PARD3B: variants seen among roughly 807,000 people sequenced by gnomAD.
PARD3B encodes the protein partitioning defective 3 homolog B.
A neutral mutation model predicts 130.2 loss-of-function variants in PARD3B; 103 were observed. That is an observed-to-expected ratio of 0.79 (90% CI 0.67 to 0.93). The LOEUF (loss-of-function observed/expected upper bound fraction) is 0.93. PARD3B is among the 40% of genes least tolerant of loss of function. The pLI is 0.00. For synonymous variants in PARD3B, 583 were observed against 553.2 expected, an observed-to-expected ratio of 1.05 and a Z score of -0.76; for missense variants, 1,609 against 1,499.2, an observed-to-expected ratio of 1.07 and a Z score of -1.21.
In PARD3B at chr2:205,538,491, A is replaced by ACACG. The variant is rs1297171772; in HGVS notation, c.3181-14831_3181-14830insCGCA. ...TGTGTGTACACACACACACACACAC[A>ACACG]CATGCATATCATCCTTCTAAATGTG... On this transcript the variant is annotated intron_variant, in intron 21 of 22. Coordinates refer to ENST00000406610, the MANE Select transcript of PARD3B (RefSeq NM_001302769.2). Among the ~76,000 whole-genome samples the ACACG allele has an allele frequency of 2.0e-5, 3 of 152,114 alleles. No homozygotes were observed. The East Asian group carries it at 5.8e-4, about 29-fold the overall frequency.
chr2:204,596,532 AG>A (rs1237151262), intron 1 of PARD3B, among the ~76,000 whole-genome samples: 13 of 152,140 alleles, frequency 8.5e-5, no homozygotes, highest in Non-Finnish European at 1.8e-4. Flanking sequence ...CTGCCTTTAG[AG>A]GATTGTTTAC....
At chr2:204,816,178 G>A (rs2043139377) in intron 2 of PARD3B, among the ~76,000 whole-genome samples, 1 of 151,824 alleles carries the variant, frequency 6.6e-6, no homozygotes, top group Non-Finnish European at 1.5e-5. Flanking sequence ...GCATGTTTCA[G>A]TTTCTGTCCT....
chr2:204,581,280 C>T (rs34574953), intron 1 of PARD3B, among the ~76,000 whole-genome samples: 83 of 152,166 alleles, frequency 5.5e-4, no homozygotes, highest in African/African-American at 1.8e-3. Flanking sequence ...TCTAATTCTC[C>T]TAAAAGGGGT....
chr2:205,361,053 C>T (rs998131089), intron 18 of PARD3B, among the ~76,000 whole-genome samples: 3 of 151,994 alleles, frequency 2.0e-5, no homozygotes, highest in Middle Eastern at 6.3e-3. Flanking sequence ...ACAAAGTTGA[C>T]TTTGTCCATG....
intron 1 of PARD3B, among the ~76,000 whole-genome samples, chr2:204,624,654 GT>G (rs2034424901): frequency 6.6e-6 from 1 of 152,042 alleles, no homozygotes; most frequent in Non-Finnish European, 1.5e-5. Context: ...CTTGTTTCCA[GT>G]TTTTGGTTAT....
rs559247340 is a variant in PARD3B, at chr2:204,607,248, G to A, written c.120+61129G>A. Among the ~76,000 whole-genome samples the A allele has an allele frequency of 4.6e-5, 7 of 152,252 alleles. No homozygotes were observed. In the South Asian group the frequency reaches 8.3e-4, roughly 18 times the overall value. ...TATAGGGGCAGATTATCATATAGAC[G>A]AATGATTACATTTACTTAACAAAAA... On this transcript the variant is annotated intron_variant, in intron 1 of 22. Coordinates refer to ENST00000406610, the MANE Select transcript of PARD3B (RefSeq NM_001302769.2).
intron 4 of PARD3B, among the ~76,000 whole-genome samples, chr2:205,067,854 T>C (rs1700486260): frequency 6.6e-6 from 1 of 152,198 alleles, no homozygotes; most frequent in African/African-American, 2.4e-5. Context: ...TCTATGGCCA[T>C]TTATCAAACA....
At chr2:205,447,117 A>G (rs1414672651) in intron 20 of PARD3B, among the ~76,000 whole-genome samples, 1 of 152,216 alleles carries the variant, frequency 6.6e-6, no homozygotes, top group Non-Finnish European at 1.5e-5. Flanking sequence ...CTACTAATAT[A>G]TTACATAGAA....
intron 3 of PARD3B, among the ~76,000 whole-genome samples, chr2:205,005,855 G>T (rs1695220907): frequency 6.6e-6 from 1 of 152,056 alleles, no homozygotes. Flanking sequence ...GGTGGTTTTT[G>T]ATTACATAGA....
chr2:205,577,327 T>C (rs1559234393), intron 22 of PARD3B, among the ~76,000 whole-genome samples: 1 of 152,172 alleles, frequency 6.6e-6, no homozygotes. Context: ...GACTTGAGTA[T>C]ATTTTTTAGT....
chr2:205,348,541 A>G (rs998608406), intron 18 of PARD3B, among the ~76,000 whole-genome samples: 2 of 152,174 alleles, frequency 1.3e-5, no homozygotes, highest in African/African-American at 2.4e-5. Flanking sequence ...GACCCTAACT[A>G]AATATGAAAA....
chr2:204,811,237 T>G (rs2042950954), intron 2 of PARD3B, among the ~76,000 whole-genome samples: 1 of 152,134 alleles, frequency 6.6e-6, no homozygotes, highest in South Asian at 2.1e-4. Flanking sequence ...TCTTATTAAT[T>G]TTTTCATGGA....
At chr2:204,988,076 G>T (rs1344164882) in intron 3 of PARD3B, among the ~76,000 whole-genome samples, 3 of 151,998 alleles carry the variant, frequency 2.0e-5, no homozygotes, top group African/African-American at 7.2e-5. Flanking sequence ...GAGGATGAGG[G>T]CATGAAGGGG....
At chr2:204,679,139 T>C (rs1398780086) in intron 1 of PARD3B, among the ~76,000 whole-genome samples, 1 of 152,254 alleles carries the variant, frequency 6.6e-6, no homozygotes, top group Non-Finnish European at 1.5e-5. Flanking sequence ...GTTTTGTTCA[T>C]TCTTGCTGTA....
intron 16 of PARD3B, among the ~76,000 whole-genome samples, chr2:205,264,837 A>G (rs1159530381): frequency 2.0e-5 from 3 of 150,850 alleles, no homozygotes; most frequent in Non-Finnish European, 4.4e-5. Context: ...TTAGTAGAAA[A>G]TTTTTCTTGT....
chr2:204,908,463 T>G (rs1245457444), intron 2 of PARD3B, among the ~76,000 whole-genome samples: 1 of 152,210 alleles, frequency 6.6e-6, no homozygotes, highest in African/African-American at 2.4e-5. Flanking sequence ...TCTTTAAAAC[T>G]CTTCTACCAA....
intron 19 of PARD3B, among the ~76,000 whole-genome samples, chr2:205,418,049 C>A (rs954357106): frequency 6.6e-6 from 1 of 152,208 alleles, no homozygotes; most frequent in Admixed American, 6.5e-5. Flanking sequence ...GAAAGGTCAC[C>A]TTTACTTGGT....
chr2:205,383,083 C>CATAGATAGATAG (rs59376156), intron 18 of PARD3B, among the ~76,000 whole-genome samples: 206 of 78,570 alleles, frequency 2.6e-3, no homozygotes, highest in Non-Finnish European at 3.4e-3. Context: ...GGAAAGTTTA[C>CATAGATAGATAG]ATAGATAGAT....
chr2:204,582,269 T>C (rs1260535774), intron 1 of PARD3B, among the ~76,000 whole-genome samples: 13 of 152,218 alleles, frequency 8.5e-5, no homozygotes, highest in African/African-American at 2.7e-4. Context: ...CATGTCTACC[T>C]AGTTACATCT....
Sources: gnomAD v4.1 joint callset for allele counts (sites outside exome capture counted in the v4.1 genomes callset) on GRCh38, gnomAD v4.1.1 for gene constraint, MANE v1.5 for transcripts, NCBI Gene and HGNC (gene_info 2026-07-23, HGNC 2026-07-21) for gene names.